The following BAIAP2 variants were observed in gnomAD, a reference collection of about 807,000 sequenced individuals.
BAIAP2 encodes BAR/IMD domain containing adaptor protein 2.
In BAIAP2, 18 loss-of-function variants were observed where a neutral mutation model predicts 63.0. The observed-to-expected ratio is 0.29, with a 90% CI of 0.20 to 0.42. BAIAP2 has a LOEUF of 0.42. Among genes scored for constraint, BAIAP2 ranks in the 10% least tolerant of loss-of-function variants. The pLI is 1.00. For synonymous variants in BAIAP2, 386 were observed against 307.6 expected, an observed-to-expected ratio of 1.25 and a Z score of -2.67; for missense variants, 610 against 734.3, an observed-to-expected ratio of 0.83 and a Z score of 1.96.
chr17:81,110,362 A>G (rs1208117844), intron 13 of BAIAP2: 2 of 986,442 alleles, frequency 2.0e-6, no homozygotes, highest in African/African-American at 3.5e-5. Flanking sequence ...TCCATGCTCA[A>G]TGGATGAATG....
At chr17:81,106,260 A>T (rs985720167) in intron 11 of BAIAP2, 114 bp downstream of exon 11, 3 of 1,119,228 alleles carry the variant, frequency 2.7e-6, no homozygotes, top group South Asian at 1.5e-5. Context: ...CTTGTCTGCT[A>T]CCGCAGGGCC....
chr17:81,074,717 C>T (rs543383280), intron 3 of BAIAP2, among the ~76,000 whole-genome samples: 5 of 134,454 alleles, frequency 3.7e-5, no homozygotes, highest in South Asian at 2.5e-4. Flanking sequence ...CGTGTCTGTG[C>T]GTCTGTGTGC....
At chr17:81,109,377 AAAAAAAAAAAAAAAAAAAG>A (rs1356288183) in intron 13 of BAIAP2, 1 of 258,472 alleles carries the variant, frequency 3.9e-6, no homozygotes, top group African/African-American at 1.1e-4. Context: ...AATCTTAAAA[AAAAAAAAAAAAAAAAAAAG>A]AAAAAAAGAA....
Position 81,104,569 on chromosome 17 carries a change from T to C in BAIAP2, c.1122T>C (p.Asn374=). Residue 374 remains asparagine, a synonymous_variant, in exon 10 of 14, where the codon AAT becomes AAC. Coordinates refer to ENST00000428708, the MANE Select transcript of BAIAP2 (RefSeq NM_001144888.2). ...SSSMAAGLER[N]GRMRVKAIFS... Reference sequence around the variant, plus strand: ...CCATGGCAGCCGGCCTGGAGCGCAATGGCCGTATGCGGGTGAAGGCCATCT... The same window carrying C: ...CCATGGCAGCCGGCCTGGAGCGCAACGGCCGTATGCGGGTGAAGGCCATCT... The C allele has an allele frequency of 6.2e-7, 1 of 1,611,692 alleles. No homozygotes were observed. The highest frequency in any genetic ancestry group is 8.5e-7 in the Non-Finnish European group (1 of 1,179,724).
At chr17:81,109,372 TA>T (rs747875777) in intron 13 of BAIAP2, 128,996 of 837,788 alleles carry the variant, frequency 0.15, 2,425 homozygotes, top group African/African-American at 0.17. Flanking sequence ...AGAAAAATCT[TA>T]AAAAAAAAAA....
intron 3 of BAIAP2, among the ~76,000 whole-genome samples, chr17:81,077,939 G>A (rs1292810208): frequency 6.8e-6 from 1 of 148,112 alleles, no homozygotes; most frequent in East Asian, 2.0e-4. Flanking sequence ...TGGATGCTGT[G>A]GGTGCGGGTG....
At chr17:81,095,551 G>C (rs957341470) in intron 6 of BAIAP2, among the ~76,000 whole-genome samples, 2 of 152,314 alleles carry the variant, frequency 1.3e-5, no homozygotes, top group African/African-American at 4.8e-5. Flanking sequence ...TTCCTAGACA[G>C]AGTGGCAGCC....
At chr17:81,076,688 T>A (rs1003174898) in intron 3 of BAIAP2, among the ~76,000 whole-genome samples, 2 of 152,152 alleles carry the variant, frequency 1.3e-5, no homozygotes, top group African/African-American at 4.8e-5. Context: ...GAAGTTGTAT[T>A]CAACCACAAA....
At chr17:81,100,242 TACC>T (rs2058303852) in intron 7 of BAIAP2, among the ~76,000 whole-genome samples, 162 bp downstream of exon 7, 1 of 152,200 alleles carries the variant, frequency 6.6e-6, no homozygotes, top group Non-Finnish European at 1.5e-5. Context: ...CTGGGAGAAT[TACC>T]AGGTCACAGG....
At chr17:81,110,785 C>T in intron 13 of BAIAP2, 1 of 1,324,086 alleles carries the variant, frequency 7.6e-7, no homozygotes, top group East Asian at 2.3e-5. Flanking sequence ...AGAGCCCCAG[C>T]TGTGTGCCGA....
intron 6 of BAIAP2, among the ~76,000 whole-genome samples, chr17:81,096,976 G>A (rs577255263): frequency 2.6e-5 from 4 of 152,050 alleles, no homozygotes; most frequent in African/African-American, 9.7e-5. Context: ...AAGGAGAAAG[G>A]AGAGGAGGAG....
At chr17:81,109,940 G>GC (rs1316301480) in intron 13 of BAIAP2, 19 of 985,386 alleles carry the variant, frequency 1.9e-5, no homozygotes, top group Non-Finnish European at 2.0e-5. Context: ...CCGCACCCAC[G>GC]CCCCCCACCT....
chr17:81,067,265 T>C (rs1041568392), intron 3 of BAIAP2, among the ~76,000 whole-genome samples: 1 of 152,236 alleles, frequency 6.6e-6, no homozygotes, highest in African/African-American at 2.4e-5. Context: ...GGAAGGACGC[T>C]GCCCTGGGCC....
chr17:81,108,980 G>C (rs775394160), intron 13 of BAIAP2: 4 of 1,548,836 alleles, frequency 2.6e-6, no homozygotes, highest in Admixed American at 2.0e-5. Context: ...GCAGCGGCAC[G>C]CTGGTGTCCA....
At chr17:81,081,202 G>T (rs772765361) in intron 3 of BAIAP2, among the ~76,000 whole-genome samples, 1 of 152,202 alleles carries the variant, frequency 6.6e-6, no homozygotes, top group Non-Finnish European at 1.5e-5. Flanking sequence ...TTCCCTGGAG[G>T]CTTCCTGAGC....
chr17:81,101,957 T>C (rs893327914), intron 7 of BAIAP2, among the ~76,000 whole-genome samples: 5 of 152,290 alleles, frequency 3.3e-5, no homozygotes, highest in South Asian at 2.1e-4. Flanking sequence ...CCAGGCCCCA[T>C]GACGGGGCCA....
intron 2 of BAIAP2, among the ~76,000 whole-genome samples, chr17:81,056,140 G>A (rs2049516936): frequency 1.3e-5 from 2 of 152,216 alleles, no homozygotes; most frequent in Non-Finnish European, 2.9e-5. Context: ...ATCAGAGTAG[G>A]AAGGCTGAGG....
At position 81,043,859 on chromosome 17, in the gene BAIAP2, G is replaced by A. The variant is rs73364024; in HGVS notation, c.54+8551G>A. 3.4e-3 allele frequency among the ~76,000 whole-genome samples: 518 copies of A among 152,362 alleles called. 4 individuals are homozygous for A. The highest frequency in any genetic ancestry group is 0.012 in the African/African-American group (505 of 41,596). ...CGTCTGTCCTTCCGTTCGGGAGTTCGAGGAGTTCAGGAAGGCGTTCTCGCC... is the reference window on the plus strand; with the variant it reads ...CGTCTGTCCTTCCGTTCGGGAGTTCAAGGAGTTCAGGAAGGCGTTCTCGCC... On this transcript the variant is annotated intron_variant, in intron 1 of 13. Coordinates refer to ENST00000428708, the MANE Select transcript of BAIAP2 (RefSeq NM_001144888.2).
In BAIAP2 at chr17:81,116,097, C is replaced by T; in HGVS notation, c.*258C>T. Reference sequence around the variant, plus strand: ...GGGGCCGCCTCTTGAGGGTACACGCCTCTGGTCACATGGCCATGGAGCCTT... The same window carrying T: ...GGGGCCGCCTCTTGAGGGTACACGCTTCTGGTCACATGGCCATGGAGCCTT... On this transcript the variant is annotated 3_prime_UTR_variant, in exon 14 of 14. Coordinates refer to ENST00000428708, the MANE Select transcript of BAIAP2 (RefSeq NM_001144888.2). The T allele has an allele frequency of 1.3e-6, 2 of 1,535,476 alleles. No individual in the cohort carries two copies. Among genetic ancestry groups the T allele is most frequent in the Non-Finnish European group, 1.7e-6 (2 of 1,144,582 alleles).
Sources: allele counts gnomAD v4.1 joint callset (sites outside exome capture counted in the v4.1 genomes callset), GRCh38; gene constraint gnomAD v4.1.1; transcripts MANE v1.5; gene names NCBI Gene and HGNC (gene_info 2026-07-23, HGNC 2026-07-21).